Variants in TEX11 observed in about 807,000 individuals in gnomAD.
TEX11 encodes testis-expressed protein 11.
Under a neutral mutation model 84.4 loss-of-function variants are expected in TEX11, and 7 were observed. That is an observed-to-expected ratio of 0.08 (90% CI 0.05 to 0.16). TEX11 has a LOEUF of 0.16. Ranked by LOEUF, TEX11 falls within the 10% of genes least tolerant of loss-of-function variation. The pLI is 1.00. For synonymous variants in TEX11, 264 were observed against 222.8 expected (o/e 1.18, Z -1.64); for missense variants, 551 against 660.5 (o/e 0.83, Z 1.82).
intron 9 of TEX11, among the ~76,000 whole-genome samples, chrX:70,781,378 T>C (rs1372902275): frequency 8.9e-6 from 1 of 111,825 alleles, no homozygotes; most frequent in Non-Finnish European, 1.9e-5. Flanking sequence ...GCAGAAAAAC[T>C]GAAAATTCTA....
intron 7 of TEX11, among the ~76,000 whole-genome samples, chrX:70,839,542 A>C (rs1021046980): frequency 2.7e-5 from 3 of 111,834 alleles, no homozygotes; most frequent in Non-Finnish European, 5.6e-5. Flanking sequence ...GATGGGAAAA[A>C]AACAGAGCAG....
At chrX:70,879,833 T>C (rs1047799497) in intron 3 of TEX11, among the ~76,000 whole-genome samples, 155 bp downstream of exon 3, 1 of 111,738 alleles carries the variant, frequency 8.9e-6, no homozygotes, top group Non-Finnish European at 1.9e-5. Context: ...GTTTCTAAAA[T>C]TTTTCCCCCT....
At chrX:70,827,183 G>A (rs1041352262) in intron 8 of TEX11, among the ~76,000 whole-genome samples, 1 of 111,150 alleles carries the variant, frequency 9.0e-6, no homozygotes, top group African/African-American at 3.3e-5. Flanking sequence ...GGAACCCACT[G>A]CCTTGAAGGA....
chrX:70,679,558 T>A (rs1258220302), intron 14 of TEX11, among the ~76,000 whole-genome samples: 1 of 104,851 alleles, frequency 9.5e-6, no homozygotes, highest in African/African-American at 3.5e-5. Context: ...GGCCGCCCCG[T>A]CTGAGAAGTG....
At chrX:70,827,589 G>A (rs185715298) in intron 8 of TEX11, among the ~76,000 whole-genome samples, 115 of 111,548 alleles carry the variant, frequency 1.0e-3, no homozygotes, top group African/African-American at 3.7e-3. Flanking sequence ...AACATCAGTG[G>A]TGGCCTAGCA....
chrX:70,738,944 CTGT>C (rs2090715542), intron 11 of TEX11, among the ~76,000 whole-genome samples: 1 of 109,321 alleles, frequency 9.1e-6, no homozygotes, highest in Non-Finnish European at 1.9e-5. Flanking sequence ...ACACTAGGGC[CTGT>C]TAGGGGGTGG....
At chrX:70,546,749 T>A (rs2088131334) in intron 28 of TEX11, among the ~76,000 whole-genome samples, 1 of 110,791 alleles carries the variant, frequency 9.0e-6, no homozygotes, top group African/African-American at 3.3e-5. Flanking sequence ...GGAATCCTCA[T>A]ACACCGCTAG....
At chrX:70,865,959 C>A (rs2091597033) in intron 4 of TEX11, among the ~76,000 whole-genome samples, 1 of 111,007 alleles carries the variant, frequency 9.0e-6, no homozygotes, top group African/African-American at 3.3e-5. Context: ...AAATCAACAC[C>A]CGAACATCAC....
At chrX:70,755,264 TAA>T (rs1409754071) in intron 9 of TEX11, among the ~76,000 whole-genome samples, 143 of 112,267 alleles carry the variant, frequency 1.3e-3, no homozygotes, top group African/African-American at 4.2e-3. Flanking sequence ...CAGATAAACT[TAA>T]CAAGTTTTTG....
At chrX:70,643,528 AG>A (rs2089693753) in intron 17 of TEX11, among the ~76,000 whole-genome samples, 1 of 100,516 alleles carries the variant, frequency 9.9e-6, no homozygotes, top group Admixed American at 1.1e-4. Flanking sequence ...CTATACTACA[AG>A]GCTACAGTAA....
intron 11 of TEX11, among the ~76,000 whole-genome samples, chrX:70,726,183 T>A (rs573607223): frequency 8.9e-6 from 1 of 112,220 alleles, no homozygotes; most frequent in African/African-American, 3.2e-5. Flanking sequence ...TTCAGAGACA[T>A]AGAGGTCTTC....
intron 26 of TEX11, among the ~76,000 whole-genome samples, chrX:70,553,706 A>T (rs1451028516): frequency 9.0e-6 from 1 of 111,629 alleles, no homozygotes; most frequent in Non-Finnish European, 1.9e-5. Flanking sequence ...TGAAGCAATA[A>T]TCTTATGAAT....
intron 26 of TEX11, among the ~76,000 whole-genome samples, chrX:70,553,944 G>A (rs1041124614): frequency 9.0e-6 from 1 of 111,578 alleles, no homozygotes; most frequent in South Asian, 3.8e-4. Flanking sequence ...GCTGTCACAT[G>A]TCCATAAAGT....
chrX:70,611,499 C>T lies in TEX11; in HGVS notation c.1752-956G>A, dbSNP rs1035949325. 1.4e-4 allele frequency among the ~76,000 whole-genome samples: 16 copies of T among 112,161 alleles called. No homozygotes were observed. In the Admixed American group the frequency reaches 1.5e-3, roughly 11 times the overall value. ...GGACCCAGTCATAAGGAGGCCTCCA[C>T]AGTTTTGTGAGTTTTGCCTCCAGGA... On this transcript the variant is annotated intron_variant, in intron 20 of 29. Transcript: ENST00000374333.
chrX:70,573,410 T>A (rs917350850), intron 25 of TEX11, among the ~76,000 whole-genome samples: 4 of 112,032 alleles, frequency 3.6e-5, no homozygotes, highest in Admixed American at 1.9e-4. Flanking sequence ...GGAAAAATCC[T>A]AAACTCAGGT....
intron 25 of TEX11, among the ~76,000 whole-genome samples, chrX:70,574,774 G>A (rs1295451896): frequency 1.8e-5 from 2 of 111,557 alleles, no homozygotes; most frequent in Non-Finnish European, 3.8e-5. Flanking sequence ...TCAACACACA[G>A]GTTAAGGGGT....
chrX:70,561,879 T>C lies in TEX11; in HGVS notation c.2141-7079A>G, dbSNP rs1001614626. ...ATTAGGTAACAATTAATGTAAATTA[T>C]GTAAATTAAGTACTTGCTTATGTGC... is the stretch of plus-strand genomic sequence containing the variant. On this transcript the variant is annotated intron_variant, in intron 25 of 29. Coordinates refer to ENST00000374333, the MANE Select transcript of TEX11 (RefSeq NM_031276.3). Among the ~76,000 whole-genome samples the C allele has an allele frequency of 3.6e-5, 4 of 112,518 alleles. No individual in the cohort carries two copies. In the Middle Eastern group the frequency reaches 0.014, roughly 387 times the overall value.
chrX:70,671,796 C>G (rs776400844), intron 15 of TEX11, among the ~76,000 whole-genome samples: 77 of 104,318 alleles, frequency 7.4e-4, no homozygotes, highest in Non-Finnish European at 1.3e-3. Context: ...ACAAAACCTA[C>G]CATAACATTT....
chrX:70,739,313 CTG>C (rs1238172028), intron 11 of TEX11, among the ~76,000 whole-genome samples: 2 of 110,025 alleles, frequency 1.8e-5, no homozygotes, highest in African/African-American at 6.6e-5. Context: ...TGCTTCCACT[CTG>C]TTGAAAAAAA....
Sources: gnomAD v4.1 joint callset for allele counts (sites outside exome capture counted in the v4.1 genomes callset) on GRCh38, gnomAD v4.1.1 for gene constraint, MANE v1.5 for transcripts, NCBI Gene and HGNC (gene_info 2026-07-23, HGNC 2026-07-21) for gene names.